TSHR: variants seen among roughly 807,000 people sequenced by gnomAD.
TSHR encodes thyrotropin receptor.
Under a neutral mutation model 64.1 loss-of-function variants are expected in TSHR, and 51 were observed. The observed-to-expected ratio is 0.80, with a 90% CI of 0.64 to 1.01. TSHR has a LOEUF of 1.01. TSHR is among the 50% of genes least tolerant of loss of function. The probability of loss-of-function intolerance (pLI) is 0.00; values close to 1 mark genes in which losing one functional copy is unlikely to be tolerated. For missense variants in TSHR, 877 were observed against 942.8 expected, an observed-to-expected ratio of 0.93 and a Z score of 0.91; for synonymous variants, 361 against 361.9, an observed-to-expected ratio of 1.00 and a Z score of 0.03.
At chr14:81,073,369 A>C (rs1409294607) in intron 3 of TSHR, among the ~76,000 whole-genome samples, 1 of 152,122 alleles carries the variant, frequency 6.6e-6, no homozygotes, top group Non-Finnish European at 1.5e-5. Context: ...ATAATTTACA[A>C]ACTTGATCAT....
At chr14:81,065,539 G>T (rs1206217213) in intron 2 of TSHR, among the ~76,000 whole-genome samples, 1 of 152,148 alleles carries the variant, frequency 6.6e-6, no homozygotes, top group Non-Finnish European at 1.5e-5. Context: ...AGATCTGAAG[G>T]CTCCACTGAG....
At chr14:81,011,027 C>T (rs1373010917) in intron 1 of TSHR, among the ~76,000 whole-genome samples, 1 of 152,184 alleles carries the variant, frequency 6.6e-6, no homozygotes, top group Non-Finnish European at 1.5e-5. Context: ...TTGTATCTTA[C>T]TGTCGCTCTC....
At chr14:81,013,074 G>A (rs1037858896) in intron 1 of TSHR, 1 of 152,044 alleles carries the variant, frequency 6.6e-6, no homozygotes, top group African/African-American at 2.4e-5. Context: ...TATGGTTTTA[G>A]GTCTAACGTT....
intron 2 of TSHR, among the ~76,000 whole-genome samples, chr14:81,063,993 G>A (rs981450867): frequency 2.6e-5 from 4 of 152,010 alleles, no homozygotes; most frequent in Admixed American, 6.6e-5. Flanking sequence ...GTGGGCAGTA[G>A]AAAAAAATAA....
chr14:81,064,488 A>G (rs1207913683), intron 2 of TSHR, among the ~76,000 whole-genome samples: 1 of 152,106 alleles, frequency 6.6e-6, no homozygotes, highest in East Asian at 1.9e-4. Flanking sequence ...TTTTTCATTC[A>G]TTTGATAAAT....
intron 1 of TSHR, among the ~76,000 whole-genome samples, chr14:81,041,829 A>G (rs192166286): frequency 6.6e-6 from 1 of 152,284 alleles, no homozygotes; most frequent in East Asian, 1.9e-4. Flanking sequence ...ACAGTAATAT[A>G]CTATACAGGT....
chr14:81,028,973 C>T (rs2139817043), intron 1 of TSHR, among the ~76,000 whole-genome samples: 1 of 150,680 alleles, frequency 6.6e-6, no homozygotes, highest in African/African-American at 2.5e-5. Flanking sequence ...TATCACAGAG[C>T]CTATAGATAT....
At chr14:81,124,222 CT>C (rs11378278) in intron 8 of TSHR, among the ~76,000 whole-genome samples, 14 of 147,376 alleles carry the variant, frequency 9.5e-5, no homozygotes, top group East Asian at 2.0e-4. Flanking sequence ...TCTTTTTTTT[CT>C]TTTTTTTTTA....
chr14:80,983,713 T>C, intron 1 of TSHR: 1 of 477,100 alleles, frequency 2.1e-6, no homozygotes, highest in Non-Finnish European at 3.7e-6. Context: ...GAGCCTTGTA[T>C]CATATTTGGT....
chr14:81,089,724 C>T (rs992340000), intron 4 of TSHR, among the ~76,000 whole-genome samples: 3 of 152,168 alleles, frequency 2.0e-5, no homozygotes, highest in African/African-American at 7.2e-5. Flanking sequence ...TATATGGACC[C>T]CACTTGACTC....
intron 9 of TSHR, among the ~76,000 whole-genome samples, chr14:81,141,951 C>T (rs1037709591): frequency 1.3e-5 from 2 of 152,098 alleles, no homozygotes; most frequent in African/African-American, 4.8e-5. Flanking sequence ...TCATTGAATC[C>T]TTTAATAACC....
At chr14:81,139,237 A>C (rs1891580163) in intron 8 of TSHR, among the ~76,000 whole-genome samples, 1 of 152,160 alleles carries the variant, frequency 6.6e-6, no homozygotes, top group Non-Finnish European at 1.5e-5. Flanking sequence ...ATGTTGATTC[A>C]TATCAGTGAG....
intron 1 of TSHR, 43 bp downstream of exon 1, chr14:80,955,893 G>GGCAT: frequency 3.1e-6 from 5 of 1,613,544 alleles, no homozygotes; most frequent in Non-Finnish European, 4.2e-6. Flanking sequence ...AGAGATCAAG[G>GGCAT]GCATCTGCAG....
At chr14:81,082,934 G>A (rs8019074) in intron 3 of TSHR, among the ~76,000 whole-genome samples, 4,398 of 152,094 alleles carry the variant, frequency 0.029, 210 homozygotes, top group African/African-American at 0.099. Context: ...TATCTCCAAG[G>A]GTGAGAAGCA....
Position 81,000,915 on chromosome 14 carries a change from G to A in TSHR, c.170+45065G>A, listed in dbSNP as rs188520900. Among the ~76,000 whole-genome samples the A allele has an allele frequency of 1.3e-3, 200 of 152,262 alleles. 1 individual carries two copies. The East Asian group carries it at 0.023, about 17-fold the overall frequency. Reference sequence around the variant, plus strand: ...TCTCTCCCATTCTGTCTCACTTACAGCTGGCAGGGAGAGGCAGAATCACCT... The same window carrying A: ...TCTCTCCCATTCTGTCTCACTTACAACTGGCAGGGAGAGGCAGAATCACCT... On this transcript the variant is annotated intron_variant, in intron 1 of 9. Transcript: ENST00000298171.
chr14:81,025,709 A>C (rs1044749548), intron 1 of TSHR, among the ~76,000 whole-genome samples: 1 of 152,244 alleles, frequency 6.6e-6, no homozygotes, highest in African/African-American at 2.4e-5. Flanking sequence ...AAAGGATGAA[A>C]TATTTAGTTT....
At chr14:80,978,209 A>G (rs995430075) in intron 1 of TSHR, among the ~76,000 whole-genome samples, 1 of 151,964 alleles carries the variant, frequency 6.6e-6, no homozygotes, top group Non-Finnish European at 1.5e-5. Context: ...CCAAGCCATC[A>G]TTGATTAAAG....
At chr14:80,955,933 A>C in intron 1 of TSHR, 83 bp downstream of exon 1, 212 of 1,537,412 alleles carry the variant, frequency 1.4e-4, no homozygotes, top group Non-Finnish European at 1.8e-4. Flanking sequence ...AAAGCAGCTC[A>C]ATAACAGCCC....
chr14:81,103,672 A>T lies in TSHR; in HGVS notation c.615-4703A>T. On this transcript the variant is annotated intron_variant, in intron 7 of 9. Coordinates refer to ENST00000298171, the MANE Select transcript of TSHR (RefSeq NM_000369.5). The surrounding 1 kb of genome is among the most constrained non-coding windows in gnomAD (Gnocchi z 4.1). ...ATCACTCAGAGGTGAAATTAATAAT[A>T]ATACAAGCATCCCTTGCTCAACAGA... 1 of 985,490 alleles carries T rather than the reference A, an allele frequency of 1.0e-6. No homozygotes were observed. The allele number at this position is 985,490 out of a possible 1,614,324, so 61.0% of individuals were successfully genotyped here. A position where few individuals can be genotyped will look rare whatever the true frequency, so the allele number is the denominator to read the frequency against.
Sources: gnomAD v4.1 joint callset for allele counts (sites outside exome capture counted in the v4.1 genomes callset) on GRCh38, gnomAD v4.1.1 for gene constraint, Gnocchi (gnomAD v3.1) non-coding constraint, MANE v1.5 for transcripts, NCBI Gene and HGNC (gene_info 2026-07-23, HGNC 2026-07-21) for gene names.